The following PCDHGA7 variants were observed in gnomAD, a reference collection of about 807,000 sequenced individuals.
PCDHGA7 encodes the protein protocadherin gamma subfamily A, 7.
In PCDHGA7, 44 loss-of-function variants were observed where a neutral mutation model predicts 58.3. That is an observed-to-expected ratio of 0.75 (90% CI 0.59 to 0.97). The LOEUF (loss-of-function observed/expected upper bound fraction) is 0.97, where lower values mean the gene tolerates loss of function less well. Among genes scored for constraint, PCDHGA7 ranks in the 50% least tolerant of loss-of-function variants. PCDHGA7 has a pLI of 0.00. For missense variants in PCDHGA7, 1,266 were observed against 1,188.7 expected (o/e 1.06, Z -0.96); for synonymous variants, 516 against 504.2 (o/e 1.02, Z -0.31).
intron 1 of PCDHGA7, chr5:141,398,960 C>A (rs779158655): frequency 3.1e-6 from 5 of 1,613,986 alleles, no homozygotes. Flanking sequence ...TCAGAAATTA[C>A]TTATTCCTTC....
intron 1 of PCDHGA7, chr5:141,419,559 T>C: frequency 6.2e-7 from 1 of 1,611,930 alleles, no homozygotes. Context: ...TACCCTGCGC[T>C]GGGTCCCGAC....
Position 141,383,168 on chromosome 5 carries a change from T to C in PCDHGA7, c.269T>C (p.Ile90Thr). The change falls in exon 1 of 4, where the codon ATA (isoleucine) becomes ACA (threonine). Residue 90 changes from isoleucine (I) to threonine (T), a missense_variant. By Grantham distance (89) the Ile-to-Thr change is moderately conservative. Coordinates refer to ENST00000518325, the MANE Select transcript of PCDHGA7 (RefSeq NM_018920.4). ...RSGSLVTAGR[I>T]DREEICAQSA... ...GGCAGCTTGGTCACTGCGGGCAGGA[T>C]AGACCGGGAAGAGATCTGCGCTCAG... 6.2e-7 allele frequency: 1 copy of C among 1,614,096 alleles called. No individual in the cohort carries two copies.
chr5:141,421,850 C>T, intron 1 of PCDHGA7: 1 of 1,613,752 alleles, frequency 6.2e-7, no homozygotes, highest in Non-Finnish European at 8.5e-7. Context: ...AAAGAGGCTG[C>T]TCACCTGCTC....
chr5:141,419,705 C>A, intron 1 of PCDHGA7: 1 of 1,613,038 alleles, frequency 6.2e-7, no homozygotes, highest in South Asian at 1.1e-5. Flanking sequence ...TGAGCCCGGG[C>A]TCTTCAGCCT....
intron 1 of PCDHGA7, among the ~76,000 whole-genome samples, chr5:141,472,869 C>T (rs919331906): frequency 6.6e-6 from 1 of 151,388 alleles, no homozygotes; most frequent in Non-Finnish European, 1.5e-5. Context: ...GCCTGTATTC[C>T]CAGCTACTCG....
At chr5:141,426,933 G>A (rs1294433096) in intron 1 of PCDHGA7, 1 of 456,660 alleles carries the variant, frequency 2.2e-6, no homozygotes, top group Non-Finnish European at 4.4e-6. Context: ...GGACATGGGT[G>A]ACCCAGTCCC....
chr5:141,402,979 C>G (rs372858164), intron 1 of PCDHGA7: 9 of 1,608,716 alleles, frequency 5.6e-6, no homozygotes, highest in Non-Finnish European at 7.6e-6. Flanking sequence ...AATGCCAGCT[C>G]CGCGGAAGAT....
intron 2 of PCDHGA7, among the ~76,000 whole-genome samples, chr5:141,497,540 C>CTT (rs754207034): frequency 2.8e-4 from 38 of 134,912 alleles, no homozygotes; most frequent in African/African-American, 8.9e-4. Context: ...TGCAACAAAC[C>CTT]TTTTTTTTTT....
chr5:141,393,498 C>T lies in PCDHGA7; in HGVS notation c.2424+8175C>T, dbSNP rs780199451. The T allele has an allele frequency of 3.1e-6, 5 of 1,613,952 alleles. No homozygotes were observed. The highest frequency in any genetic ancestry group is 1.6e-4 in the Middle Eastern group (1 of 6,084). ...GCCTCGCTCTAGCACAGTGCGCATC[C>T]ACGTGACAGTGTTGGATACAAATGA... On this transcript the variant is annotated intron_variant, in intron 1 of 3. Transcript: ENST00000518325.
intron 1 of PCDHGA7, among the ~76,000 whole-genome samples, chr5:141,397,265 A>G (rs2093498946): frequency 6.6e-6 from 1 of 152,210 alleles, no homozygotes; most frequent in Non-Finnish European, 1.5e-5. Context: ...TTTCTTAGCT[A>G]CATCATATGG....
rs750310317 is a variant in PCDHGA7 at position 141,385,220 on chromosome 5, A to G, written c.2321A>G (p.Asn774Ser). 8 of 1,614,172 alleles carry G rather than the reference A, an allele frequency of 5.0e-6. No homozygotes were observed. The South Asian group carries it at 7.7e-5, about 16-fold the overall frequency. ...AGTCACCTGATCTTCCCCCAGCCCA[A>G]CTATGTAGACATGCTCATCAGCCAG... The part of the protein sequence containing the change: ...RKSHLIFPQP[N>S]YVDMLISQES... Residue 774 changes from asparagine (N) to serine (S), a missense_variant, in exon 1 of 4, where the codon AAC (asparagine) becomes AGC (serine). Transcript: ENST00000518325.
intron 1 of PCDHGA7, chr5:141,395,745 T>C (rs2093305954): frequency 6.5e-6 from 1 of 153,196 alleles, no homozygotes; most frequent in African/African-American, 2.4e-5. Context: ...AAACCTCTTT[T>C]CTGAGCCCTG....
At chr5:141,415,274 C>T (rs775112066) in intron 1 of PCDHGA7, 19 of 1,614,086 alleles carry the variant, frequency 1.2e-5, no homozygotes, top group Admixed American at 1.0e-4. Context: ...CTGGTGGTAG[C>T]GGTGGCCGCG....
At chr5:141,446,055 G>A (rs1431833512) in intron 1 of PCDHGA7, among the ~76,000 whole-genome samples, 1 of 152,190 alleles carries the variant, frequency 6.6e-6, no homozygotes, top group Non-Finnish European at 1.5e-5. Flanking sequence ...AGCTGGCTTG[G>A]ATTAAAGGGG....
chr5:141,509,300 G>A (rs987250093), intron 3 of PCDHGA7, among the ~76,000 whole-genome samples: 5 of 152,216 alleles, frequency 3.3e-5, no homozygotes, highest in African/African-American at 1.2e-4. Flanking sequence ...GGTGGAGGCA[G>A]AGGGAGGCTG....
chr5:141,429,760 C>A (rs1036499079), intron 1 of PCDHGA7, among the ~76,000 whole-genome samples: 1 of 152,020 alleles, frequency 6.6e-6, no homozygotes, highest in Non-Finnish European at 1.5e-5. Flanking sequence ...AATTTTTTCC[C>A]TATATTTTGA....
chr5:141,496,783 C>T (rs572860852), intron 2 of PCDHGA7, among the ~76,000 whole-genome samples: 1 of 152,162 alleles, frequency 6.6e-6, no homozygotes, highest in East Asian at 1.9e-4. Context: ...GAGCAGGGCC[C>T]TGTGCTAAAC....
chr5:141,413,230 C>T (rs2095618383), intron 1 of PCDHGA7: 4 of 1,613,826 alleles, frequency 2.5e-6, no homozygotes, highest in Non-Finnish European at 3.4e-6. Flanking sequence ...CGGGCTGGTC[C>T]TGCTCTGCCT....
chr5:141,509,691 AC>A (rs1471858383), intron 3 of PCDHGA7, among the ~76,000 whole-genome samples: 5 of 152,064 alleles, frequency 3.3e-5, no homozygotes, highest in African/African-American at 1.2e-4. Flanking sequence ...GTACAGTGGG[AC>A]GTTGGACTGG....
Sources: gnomAD v4.1 joint callset for allele counts (sites outside exome capture counted in the v4.1 genomes callset) on GRCh38, gnomAD v4.1.1 for gene constraint, MANE v1.5 for transcripts, NCBI Gene and HGNC (gene_info 2026-07-23, HGNC 2026-07-21) for gene names.